ZNF114: variants seen among roughly 807,000 people sequenced by gnomAD.
ZNF114 encodes the protein zinc finger protein 114, also known as zinc finger protein 114 (Y18).
A neutral mutation model predicts 6.8 loss-of-function variants in ZNF114; 8 were observed. That is an observed-to-expected ratio of 1.18 (90% CI 0.69 to 2.13). The LOEUF (loss-of-function observed/expected upper bound fraction) is 2.13, where lower values mean the gene tolerates loss of function less well. Among genes scored for constraint, ZNF114 ranks in the 30% most tolerant of loss-of-function variants. The pLI, the probability that ZNF114 is intolerant of heterozygous loss-of-function variation, is 0.00. For synonymous variants in ZNF114, 169 were observed against 185.5 expected (o/e 0.91, Z 0.72); for missense variants, 472 against 519.5 (o/e 0.91, Z 0.89).
Position 48,286,902 on chromosome 19 carries a change from T to C in ZNF114, c.*24T>C. 6.5e-7 allele frequency: 1 copy of C among 1,535,728 alleles called. No individual in the cohort carries two copies. The highest frequency in any genetic ancestry group is 8.7e-7 in the Non-Finnish European group (1 of 1,148,760). On this transcript the variant is annotated 3_prime_UTR_variant, in exon 6 of 6. Transcript: ENST00000595607. ...GAAAGGAAGGTGGAAAATTTTTCAT[T>C]AATTTTCTGACTGTACCAAACATGT...
At chr19:48,283,423 A>G (rs1432381280) in intron 5 of ZNF114, among the ~76,000 whole-genome samples, 2 of 152,250 alleles carry the variant, frequency 1.3e-5, no homozygotes, top group Admixed American at 6.5e-5. Context: ...TTTATACCAC[A>G]TGCTTGCCCA....
intron 5 of ZNF114, among the ~76,000 whole-genome samples, chr19:48,283,176 C>T (rs1165310154): frequency 6.6e-6 from 1 of 152,062 alleles, no homozygotes; most frequent in African/African-American, 2.4e-5. Flanking sequence ...CTACCACCCC[C>T]AGCTAATGCA....
chr19:48,278,690 C>G (rs1245670465), intron 3 of ZNF114, among the ~76,000 whole-genome samples: 1 of 152,194 alleles, frequency 6.6e-6, no homozygotes. Flanking sequence ...ACCCCTAATT[C>G]CAGCACTTTG....
intron 3 of ZNF114, among the ~76,000 whole-genome samples, chr19:48,272,985 C>G (rs948438067): frequency 6.6e-6 from 1 of 151,886 alleles, no homozygotes; most frequent in Non-Finnish European, 1.5e-5. Context: ...TTAGTAGAGA[C>G]GGGGTTTCAC....
chr19:48,278,603 T>G (rs1967908829), intron 3 of ZNF114, among the ~76,000 whole-genome samples: 2 of 152,166 alleles, frequency 1.3e-5, no homozygotes, highest in Admixed American at 1.3e-4. Context: ...CTTTCTTTGT[T>G]CATGCATTGA....
Position 48,282,502 on chromosome 19 carries a change from G to A in ZNF114, c.136+5G>A. On this transcript the variant is annotated splice_donor_5th_base_variant and intron_variant, in intron 5 of 5. Coordinates refer to ENST00000595607, the MANE Select transcript of ZNF114 (RefSeq NM_153608.4). ...CTAGGAACTTGGCATTCATAGGTAA[G>A]GAGGCCCCCTTCCTGCACTTAGTCC... 2 of 1,607,856 alleles carry A rather than the reference G, an allele frequency of 1.2e-6. No individual in the cohort carries two copies. Among genetic ancestry groups the A allele is most frequent in the East Asian group, 2.2e-5 (1 of 44,590 alleles).
intron 3 of ZNF114, among the ~76,000 whole-genome samples, 192 bp downstream of exon 3, chr19:48,272,020 C>G (rs1294762756): frequency 5.9e-5 from 9 of 152,214 alleles, no homozygotes; most frequent in Non-Finnish European, 1.3e-4. Flanking sequence ...TCCCCCATAC[C>G]GTGCTGCAGC....
At chr19:48,279,494 G>A (rs1173963168) in intron 3 of ZNF114, among the ~76,000 whole-genome samples, 3 of 113,610 alleles carry the variant, frequency 2.6e-5, no homozygotes, top group African/African-American at 1.0e-4. Flanking sequence ...GTGAGTGTGT[G>A]TGTGGGTGGG....
chr19:48,270,641 GGA>G (rs1393036727), intron 1 of ZNF114, among the ~76,000 whole-genome samples: 5 of 128,476 alleles, frequency 3.9e-5, no homozygotes, highest in Non-Finnish European at 6.5e-5. Context: ...AAGGAGGAAG[GGA>G]GAGAGAGAAA....
chr19:48,270,760 A>T (rs1409342229), intron 1 of ZNF114, among the ~76,000 whole-genome samples: 1 of 76,944 alleles, frequency 1.3e-5, no homozygotes, highest in East Asian at 4.6e-4. Flanking sequence ...AAGAGAAAAA[A>T]GAGAAAGAAA....
At chr19:48,285,662 A>C in intron 5 of ZNF114, 99 bp from the exon 6 acceptor site, 2 of 1,147,994 alleles carry the variant, frequency 1.7e-6, no homozygotes, top group Non-Finnish European at 2.4e-6. Flanking sequence ...GAAAGAAAGA[A>C]AGAAAGAGAG....
chr19:48,277,168 A>C (rs1014220417), intron 3 of ZNF114, among the ~76,000 whole-genome samples: 2 of 151,456 alleles, frequency 1.3e-5, no homozygotes, highest in Non-Finnish European at 2.9e-5. Context: ...CTCAAAAAAA[A>C]ATTTTTTTTA....
At position 48,286,668 on chromosome 19, in the gene ZNF114, T is replaced by C; in HGVS notation, c.1044T>C (p.Asn348=). 1 of 1,612,720 alleles carries C rather than the reference T, an allele frequency of 6.2e-7. No homozygotes were observed. The highest frequency in any genetic ancestry group is 1.7e-4 in the Middle Eastern group (1 of 6,048). The change falls in exon 6 of 6, where the codon AAT becomes AAC. Residue 348 remains asparagine, a synonymous_variant. Coordinates refer to ENST00000595607, the MANE Select transcript of ZNF114 (RefSeq NM_153608.4). ...GKAFRYSLHL[N]KHLRKHVVQK... is the part of the protein sequence containing the mutation. ...CCTTTAGATATTCCTTACACCTTAA[T>C]AAACATTTAAGAAAGCATGTTGTGC... is the stretch of plus-strand genomic sequence containing the variant.
chr19:48,283,141 G>C (rs1282283070), intron 5 of ZNF114, among the ~76,000 whole-genome samples: 1 of 152,122 alleles, frequency 6.6e-6, no homozygotes, highest in Non-Finnish European at 1.5e-5. Context: ...TCAGCCTCCT[G>C]AGTATCTGGG....
At chr19:48,275,753 G>A (rs549225177) in intron 3 of ZNF114, among the ~76,000 whole-genome samples, 2 of 152,202 alleles carry the variant, frequency 1.3e-5, no homozygotes, top group African/African-American at 4.8e-5. Flanking sequence ...CCAGCCCTTT[G>A]GGAGGCCGAG....
chr19:48,270,413 G>T (rs943325572), intron 1 of ZNF114, among the ~76,000 whole-genome samples, 194 bp downstream of exon 1: 8 of 83,262 alleles, frequency 9.6e-5, no homozygotes, highest in South Asian at 3.9e-4. Context: ...AAGAAAAAAA[G>T]AATAAGAAAA....
In ZNF114 at chr19:48,286,938, T is replaced by TA. The variant is rs1026790985; in HGVS notation, c.*61dup. The TA allele has an allele frequency of 5.1e-5, 76 of 1,503,628 alleles. No individual in the cohort carries two copies. The African/African-American group carries it at 9.4e-4, about 19-fold the overall frequency. 93.1% of individuals were successfully genotyped at this position (1,503,628 alleles called of 1,614,324 possible). ...CTGTACCAAACATGTGAGGAGGACA[T>TA]ATTGGAAGGGAGCTCAAGGGGTTAG... On this transcript the variant is annotated 3_prime_UTR_variant, in exon 6 of 6. Coordinates refer to ENST00000595607, the MANE Select transcript of ZNF114 (RefSeq NM_153608.4).
intron 3 of ZNF114, among the ~76,000 whole-genome samples, chr19:48,273,729 G>A (rs936660831): frequency 2.0e-5 from 3 of 150,660 alleles, no homozygotes; most frequent in Admixed American, 6.6e-5. Flanking sequence ...AAAGTGACTT[G>A]GATCCCCCAG....
chr19:48,277,090 G>A (rs932992314), intron 3 of ZNF114, among the ~76,000 whole-genome samples: 1 of 152,146 alleles, frequency 6.6e-6, no homozygotes, highest in African/African-American at 2.4e-5. Flanking sequence ...GAACCCAGGA[G>A]GTGGAAGTTG....
Sources: allele counts gnomAD v4.1 joint callset (sites outside exome capture counted in the v4.1 genomes callset), GRCh38; gene constraint gnomAD v4.1.1; transcripts MANE v1.5; gene names NCBI Gene and HGNC (gene_info 2026-07-23, HGNC 2026-07-21).